BRWD1: variants seen among roughly 807,000 people sequenced by gnomAD.
BRWD1 encodes the protein bromodomain and WD repeat domain containing 1, also known as bromodomain and WD repeat-containing protein 1.
In BRWD1, 82 loss-of-function variants were observed where a neutral mutation model predicts 251.2. The observed-to-expected ratio is 0.33, with a 90% CI of 0.27 to 0.39. The LOEUF is 0.39. Among genes scored for constraint, BRWD1 ranks in the 10% least tolerant of loss-of-function variants. BRWD1 has a pLI of 1.00. For synonymous variants in BRWD1, 918 were observed against 902.8 expected (o/e 1.02, Z -0.30); for missense variants, 2,233 against 2,711.6 (o/e 0.82, Z 3.92).
Position 39,197,102 on chromosome 21 carries a change from A to T in BRWD1, c.5967T>A (p.Ser1989Arg), listed in dbSNP as rs2031861392. 1 of 1,614,002 alleles carries T rather than the reference A, an allele frequency of 6.2e-7. No homozygotes were observed. Among genetic ancestry groups the T allele is most frequent in the Non-Finnish European group, 8.5e-7 (1 of 1,179,988 alleles). ...CEGSVHCEVP[S>R]EQYACEGKPP... ...GCTTGCCTTCACAGGCATACTGTTC[A>T]CTTGGTACTTCACAATGTACACTTC... Residue 1989 changes from serine (S) to arginine (R), a missense_variant, in exon 41 of 41, where the codon AGT becomes AGA. By Grantham distance (110) the Ser-to-Arg change is moderately radical. Around this residue, in one of 12 missense-constraint regions of BRWD1, gnomAD observed 928 missense variants for 970.0 expected, o/e 0.96. Coordinates refer to ENST00000342449, the MANE Select transcript of BRWD1 (RefSeq NM_033656.4).
At chr21:39,256,266 G>A (rs1298841633) in intron 18 of BRWD1, among the ~76,000 whole-genome samples, 1 of 152,096 alleles carries the variant, frequency 6.6e-6, no homozygotes, top group African/African-American at 2.4e-5. Flanking sequence ...TAAAAACTGT[G>A]CCTTCTTAAA....
At chr21:39,229,858 C>T (rs779398401) in intron 25 of BRWD1, among the ~76,000 whole-genome samples, 13 of 152,118 alleles carry the variant, frequency 8.5e-5, no homozygotes, top group African/African-American at 2.2e-4. Context: ...ATCAGCTTCC[C>T]GAGTACCTGG....
intron 8 of BRWD1, among the ~76,000 whole-genome samples, chr21:39,291,614 A>C (rs931706368): frequency 2.0e-5 from 3 of 152,182 alleles, no homozygotes; most frequent in Non-Finnish European, 4.4e-5. Flanking sequence ...TCCACCATGA[A>C]TCCTACTAAG....
Position 39,257,361 on chromosome 21 carries a change from T to A in BRWD1, c.2071+1126A>T, listed in dbSNP as rs1428842635. ...AGGACATAGCATCAACTATTCAGTA[T>A]TCCTGTCTAAATGCTTAACCTGAAC... On this transcript the variant is annotated intron_variant, in intron 18 of 40. Coordinates refer to ENST00000342449, the MANE Select transcript of BRWD1 (RefSeq NM_033656.4). Among the ~76,000 whole-genome samples, 48 of 152,194 alleles carry A rather than the reference T, an allele frequency of 3.2e-4. 1 individual carries two copies. The highest frequency in any genetic ancestry group is 3.1e-3 in the Admixed American group (47 of 15,280).
At position 39,194,820 on chromosome 21, in the gene BRWD1, C is replaced by T. The variant is rs1482059771; in HGVS notation, c.*1439G>A. 2 of 1,534,256 alleles carry T rather than the reference C, an allele frequency of 1.3e-6. No individual in the cohort carries two copies. Among genetic ancestry groups the T allele is most frequent in the African/African-American group, 1.4e-5 (1 of 72,924 alleles). On this transcript the variant is annotated 3_prime_UTR_variant, in exon 41 of 41. Coordinates refer to ENST00000342449, the MANE Select transcript of BRWD1 (RefSeq NM_033656.4). The stretch of plus-strand genomic sequence containing the variant: ...TATTGATACCAGTCTGATGCTTCAC[C>T]TTATCTGCCACTTCAAAGATACACA...
In BRWD1 at chr21:39,274,427, A is replaced by G. The variant is rs145542359; in HGVS notation, c.1191T>C (p.Phe397=). Residue 397 remains phenylalanine (F), a synonymous_variant, in exon 13 of 41, where the codon TTT becomes TTC. Transcript: ENST00000342449. Reference sequence around the variant, plus strand: ...AAATGCTCCTCCATTCTAACTGCTCAAATCTCCAAATCCGTGCTGTTCCAT... The same window carrying G: ...AAATGCTCCTCCATTCTAACTGCTCGAATCTCCAAATCCGTGCTGTTCCAT... ...SRDGTARIWR[F]EQLEWRSILL... 1.1e-4 allele frequency: 177 copies of G among 1,614,032 alleles called. No individual in the cohort carries two copies. The highest frequency in any genetic ancestry group is 9.9e-4 in the Middle Eastern group (6 of 6,060).
At chr21:39,243,395 T>C (rs1159187858) in intron 21 of BRWD1, among the ~76,000 whole-genome samples, 1 of 152,204 alleles carries the variant, frequency 6.6e-6, no homozygotes, top group Non-Finnish European at 1.5e-5. Flanking sequence ...CTGGTAAAAT[T>C]TGAGTAAGAT....
At chr21:39,270,531 T>C (rs905510484) in intron 13 of BRWD1, 98 bp from the exon 14 acceptor site, 18 of 1,029,940 alleles carry the variant, frequency 1.7e-5, no homozygotes, top group African/African-American at 4.9e-5. Context: ...ATCCAACCCA[T>C]GTGCCTATCT....
In BRWD1 at chr21:39,195,359, T is replaced by A; in HGVS notation, c.*900A>T. 1 of 986,030 alleles carries A rather than the reference T, an allele frequency of 1.0e-6. No homozygotes were observed. The highest frequency in any genetic ancestry group is 1.7e-5 in the African/African-American group (1 of 57,300). The allele number at this position is 986,030 out of a possible 1,614,324, so 61.1% of individuals were successfully genotyped here. On this transcript the variant is annotated 3_prime_UTR_variant, in exon 41 of 41. Transcript: ENST00000342449. ...ACTCTTTTAGCCCTGTACACTCTAT[T>A]AAAGAACACACTTCTAAATCTAAGG...
chr21:39,256,354 G>A (rs1242731677), intron 18 of BRWD1, among the ~76,000 whole-genome samples: 1 of 152,218 alleles, frequency 6.6e-6, no homozygotes, highest in Non-Finnish European at 1.5e-5. Flanking sequence ...TTTTACAAGA[G>A]CTCTTGCAAC....
chr21:39,237,099 C>A (rs1386703281), intron 22 of BRWD1, among the ~76,000 whole-genome samples: 2 of 151,874 alleles, frequency 1.3e-5, no homozygotes, highest in African/African-American at 4.8e-5. Context: ...TTCAAGGAAA[C>A]AAAACACAGA....
chr21:39,206,332 A>G, intron 36 of BRWD1, 58 bp from the exon 37 acceptor site: 1 of 1,259,158 alleles, frequency 7.9e-7, no homozygotes, highest in Admixed American at 2.4e-5. Flanking sequence ...TACTTAAGAA[A>G]TAATTGTAAT....
At chr21:39,209,436 GAAAA>G (rs779201176) in intron 36 of BRWD1, among the ~76,000 whole-genome samples, 1 of 123,082 alleles carries the variant, frequency 8.1e-6, no homozygotes, top group Non-Finnish European at 1.8e-5. Flanking sequence ...GAGTAGGCTA[GAAAA>G]AAAAAAAAAA....
At chr21:39,313,667 T>G (rs973547331), upstream of BRWD1, 123 of 424,428 alleles carry the variant, frequency 2.9e-4, 2 homozygotes, top group Non-Finnish European at 7.2e-5. Flanking sequence ...AAGTAGTTCC[T>G]CCGCGGGAGA....
Position 39,191,259 on chromosome 21 carries a change from G to A in BRWD1, c.*5000C>T. 1.0e-6 allele frequency: 1 copy of A among 985,196 alleles called. No homozygotes were observed. 61.0% of individuals were successfully genotyped at this position (985,196 alleles called of 1,614,324 possible). ...GACTCGCTTCAGTTCCCCTATCCAAGCTCATATGTAAAACTCACAGCGCTC... is the reference window on the plus strand; with the variant it reads ...GACTCGCTTCAGTTCCCCTATCCAAACTCATATGTAAAACTCACAGCGCTC... On this transcript the variant is annotated 3_prime_UTR_variant, in exon 41 of 41. Transcript: ENST00000342449.
At chr21:39,199,741 T>C in intron 39 of BRWD1, 79 bp from the exon 40 acceptor site, 2 of 1,339,558 alleles carry the variant, frequency 1.5e-6, no homozygotes, top group Non-Finnish European at 2.0e-6. Context: ...TTTAATGATT[T>C]TCTTCACTTT....
intron 17 of BRWD1, among the ~76,000 whole-genome samples, chr21:39,263,751 A>G (rs2034830184): frequency 6.6e-6 from 1 of 152,230 alleles, no homozygotes; most frequent in African/African-American, 2.4e-5. Flanking sequence ...GTAAACTTTG[A>G]CAATGAACAG....
Position 39,188,709 on chromosome 21 carries a change from C to A in BRWD1, c.*7550G>T. 23 of 985,418 alleles carry A rather than the reference C, an allele frequency of 2.3e-5. No individual in the cohort carries two copies. Among genetic ancestry groups the A allele is most frequent in the Non-Finnish European group, 2.7e-5 (22 of 829,914 alleles). 61.0% of individuals were successfully genotyped at this position (985,418 alleles called of 1,614,324 possible). A position where few individuals can be genotyped will look rare whatever the true frequency, so the allele number is the denominator to read the frequency against. ...TTCCCTAAGTCTATGAAACTGATTT[C>A]ACACTTCTCTAAGATCAGTTGAGCG... On this transcript the variant is annotated 3_prime_UTR_variant, in exon 41 of 41. Coordinates refer to ENST00000342449, the MANE Select transcript of BRWD1 (RefSeq NM_033656.4).
At chr21:39,220,156 A>G (rs1413127853) in intron 29 of BRWD1, among the ~76,000 whole-genome samples, 1 of 151,974 alleles carries the variant, frequency 6.6e-6, no homozygotes, top group Non-Finnish European at 1.5e-5. Flanking sequence ...TTTAATGGGG[A>G]GAAAGGGGGT....
Sources: allele counts gnomAD v4.1 joint callset (sites outside exome capture counted in the v4.1 genomes callset), GRCh38; gene constraint gnomAD v4.1.1; regional missense constraint gnomAD v4.1.1; transcripts MANE v1.5; gene names NCBI Gene and HGNC (gene_info 2026-07-23, HGNC 2026-07-21).